Variants in CES5A observed in about 807,000 individuals in gnomAD.
CES5A encodes the protein carboxylesterase 5.
CES5A carries 67 observed loss-of-function variants against 62.9 expected under a neutral mutation model. The observed-to-expected ratio is 1.07, with a 90% CI of 0.88 to 1.31. CES5A has a LOEUF of 1.31. Ranked by LOEUF, CES5A falls within the 50% of genes most tolerant of loss-of-function variation. CES5A has a pLI of 0.00. For synonymous variants in CES5A, 296 were observed against 280.8 expected, an observed-to-expected ratio of 1.05 and a Z score of -0.54; for missense variants, 748 against 708.5, an observed-to-expected ratio of 1.06 and a Z score of -0.63.
intron 1 of CES5A, among the ~76,000 whole-genome samples, chr16:55,923,384 GA>G (rs1232745189): frequency 2.0e-5 from 3 of 151,668 alleles, no homozygotes; most frequent in Admixed American, 6.6e-5. Context: ...AAACTAGTAT[GA>G]ACAACTATAC....
chr16:55,867,059 A>T (rs1281949284), intron 4 of CES5A, among the ~76,000 whole-genome samples: 1 of 152,048 alleles, frequency 6.6e-6, no homozygotes, highest in Non-Finnish European at 1.5e-5. Flanking sequence ...GACATCACCC[A>T]GGCCTCAGCT....
intron 1 of CES5A, among the ~76,000 whole-genome samples, chr16:55,887,249 G>A (rs1340499070): frequency 1.3e-5 from 2 of 151,910 alleles, no homozygotes; most frequent in Admixed American, 6.6e-5. Context: ...GGAATATCAG[G>A]TCGTTTTCTG....
chr16:55,875,516 G>A (rs1327124939), upstream of CES5A: 2 of 578,576 alleles, frequency 3.5e-6, no homozygotes, highest in African/African-American at 3.9e-5. Context: ...TTCCAGACCA[G>A]GCAAGACATT....
In CES5A at chr16:55,849,754, G is replaced by A. The variant is rs2033090637; in HGVS notation, c.1293C>T (p.Tyr431=). The A allele has an allele frequency of 1.9e-6, 3 of 1,613,824 alleles. No homozygotes were observed. Among genetic ancestry groups the A allele is most frequent in the African/African-American group, 2.7e-5 (2 of 74,940 alleles). The change falls in exon 11 of 13, where the codon TAC becomes TAT. Residue 431 remains tyrosine, a synonymous_variant. Coordinates refer to ENST00000290567, the MANE Select transcript of CES5A (RefSeq NM_001143685.2). ...RYHRDAGAPV[Y]FYEFRHRPQC... is the part of the protein sequence containing the mutation. ...GAGGCCGGTGCCGAAACTCATAGAA[G>A]TAGACAGGTGCACCAGCATCTGACA...
At chr16:55,899,797 T>C (rs2033972031) in intron 1 of CES5A, among the ~76,000 whole-genome samples, 1 of 152,126 alleles carries the variant, frequency 6.6e-6, no homozygotes, top group African/African-American at 2.4e-5. Flanking sequence ...CTCCCACTAT[T>C]AACTGGCCCA....
intron 1 of CES5A, among the ~76,000 whole-genome samples, chr16:55,919,180 G>T (rs368070268): frequency 6.6e-6 from 1 of 152,226 alleles, no homozygotes; most frequent in Non-Finnish European, 1.5e-5. Context: ...AGGCTGAGTC[G>T]CCCCAGGGCA....
intron 1 of CES5A, among the ~76,000 whole-genome samples, chr16:55,900,455 T>C (rs75744964): frequency 6.2e-4 from 95 of 152,326 alleles, no homozygotes; most frequent in African/African-American, 2.2e-3. Context: ...ATAATAGCTC[T>C]GCCCCAATGG....
intron 2 of CES5A, among the ~76,000 whole-genome samples, chr16:55,934,701 T>C (rs2034351457): frequency 6.6e-6 from 1 of 151,912 alleles, no homozygotes; most frequent in South Asian, 2.1e-4. Context: ...TGCACATGCA[T>C]GCATGTGTGT....
chr16:55,887,956 C>T (rs2033834311), intron 1 of CES5A, among the ~76,000 whole-genome samples: 1 of 152,070 alleles, frequency 6.6e-6, no homozygotes, highest in African/African-American at 2.4e-5. Flanking sequence ...CTGATTATGG[C>T]AAGGTTACAG....
At chr16:55,880,234 G>T (rs1329828315), upstream of CES5A, among the ~76,000 whole-genome samples, 1 of 152,194 alleles carries the variant, frequency 6.6e-6, no homozygotes, top group Non-Finnish European at 1.5e-5. Flanking sequence ...GCATGGTTGG[G>T]CCCTGGCTTT....
Position 55,871,651 on chromosome 16 carries a change from G to A in CES5A, c.391C>T (p.His131Tyr), listed in dbSNP as rs1188834082. The A allele has an allele frequency of 6.2e-7, 1 of 1,614,120 alleles. No individual in the cohort carries two copies. The highest frequency in any genetic ancestry group is 8.5e-7 in the Non-Finnish European group (1 of 1,180,012). ...GGGAGCTTGGAGCCTGTATCGGCGT[G>A]GGCAGGCGCATAGATGTTCAGGTAG... is the stretch of plus-strand genomic sequence containing the variant. ...CLYLNIYAPA[H>Y]ADTGSKLPVL... is the part of the protein sequence containing the mutation. Residue 131 changes from histidine to tyrosine, a missense_variant, in exon 3 of 13, where the codon CAC becomes TAC. Physicochemically the swap from His to Tyr is moderately conservative, Grantham distance 83. Transcript: ENST00000290567.
chr16:55,862,642 A>G (rs1403059150), intron 6 of CES5A, among the ~76,000 whole-genome samples: 1 of 152,236 alleles, frequency 6.6e-6, no homozygotes, highest in Non-Finnish European at 1.5e-5. Context: ...CTCTTGGTAT[A>G]TACTGTTATT....
intron 2 of CES5A, among the ~76,000 whole-genome samples, chr16:55,938,525 C>T (rs1053334914): frequency 2.6e-5 from 4 of 151,360 alleles, no homozygotes; most frequent in Admixed American, 6.6e-5. Context: ...ATCACAAGGT[C>T]AGGAGATCAA....
chr16:55,852,935 G>C lies in CES5A; in HGVS notation c.1219C>G (p.Leu407Val), dbSNP rs749817566. The change falls in exon 10 of 13, where the codon CTT becomes GTT. Residue 407 changes from leucine (L) to valine (V), a missense_variant. Leu to Val is a conservative substitution (Grantham distance 32). Transcript: ENST00000290567. Reference protein sequence around the residue: ...TEIRDSLLDLLGDVFFVVPAL... With the variant: ...TEIRDSLLDLVGDVFFVVPAL... ...GGGACCACAAAGAACACATCTCCAA[G>C]CAAGTCCAGAAGACTGTCTCGGATT... The C allele has an allele frequency of 1.2e-5, 19 of 1,614,048 alleles. No homozygotes were observed. The Admixed American group carries it at 3.2e-4, about 27-fold the overall frequency.
chr16:55,861,422 G>T lies in CES5A; in HGVS notation c.905C>A (p.Thr302Asn), dbSNP rs267604579. The change falls in exon 7 of 13, where the codon ACC becomes AAC. Residue 302 changes from threonine (T) to asparagine (N), a missense_variant. Physicochemically the swap from Thr to Asn is moderately conservative, Grantham distance 65. Coordinates refer to ENST00000290567, the MANE Select transcript of CES5A (RefSeq NM_001143685.2). ...LRTKPSKELL[T>N]LSQKTKSFTR... The stretch of plus-strand genomic sequence containing the variant: ...CCCCTCTGTCCTCACCTGGCTGAGG[G>T]TCAGCAGCTCCTTGGAGGGTTTTGT... 1.9e-6 allele frequency: 3 copies of T among 1,611,174 alleles called. No individual in the cohort carries two copies. Among genetic ancestry groups the T allele is most frequent in the Non-Finnish European group, 2.5e-6 (3 of 1,177,376 alleles).
Position 55,859,706 on chromosome 16 carries a change from A to C in CES5A, c.916-19T>G, listed in dbSNP as rs768116723. 2 of 1,592,146 alleles carry C rather than the reference A, an allele frequency of 1.3e-6. No individual in the cohort carries two copies. The highest frequency in any genetic ancestry group is 2.7e-5 in the African/African-American group (2 of 73,390). Reference sequence around the variant, plus strand: ...TTGTTTTCTGTAATAAGGAAGAAAAAAAAATCATCAGCTATCATCAGCTAT... The same window carrying C: ...TTGTTTTCTGTAATAAGGAAGAAAACAAAATCATCAGCTATCATCAGCTAT... On this transcript the variant is annotated intron_variant, in intron 7 of 12. Coordinates refer to ENST00000290567, the MANE Select transcript of CES5A (RefSeq NM_001143685.2).
intron 1 of CES5A, among the ~76,000 whole-genome samples, chr16:55,955,602 C>T (rs867612926): frequency 6.6e-6 from 1 of 152,210 alleles, no homozygotes; most frequent in Non-Finnish European, 1.5e-5. Flanking sequence ...CCAGTATGGC[C>T]TCTCTAAGAC....
intron 1 of CES5A, among the ~76,000 whole-genome samples, chr16:55,907,628 T>C (rs1270565225): frequency 1.3e-5 from 2 of 152,114 alleles, no homozygotes; most frequent in African/African-American, 4.8e-5. Context: ...GCACGTGACA[T>C]AGGCCCTCAG....
At chr16:55,912,800 A>T (rs902129974) in intron 1 of CES5A, among the ~76,000 whole-genome samples, 1 of 152,286 alleles carries the variant, frequency 6.6e-6, no homozygotes, top group Non-Finnish European at 1.5e-5. Flanking sequence ...ACACAATCCC[A>T]TTTCACCGTT....
Sources: allele counts gnomAD v4.1 joint callset (sites outside exome capture counted in the v4.1 genomes callset), GRCh38; gene constraint gnomAD v4.1.1; transcripts MANE v1.5; gene names NCBI Gene and HGNC (gene_info 2026-07-23, HGNC 2026-07-21).